KCNIP4: variants seen among roughly 807,000 people sequenced by gnomAD.
KCNIP4 encodes Kv channel-interacting protein 4.
A neutral mutation model predicts 34.0 loss-of-function variants in KCNIP4; 12 were observed. That is an observed-to-expected ratio of 0.35 (90% CI 0.23 to 0.57). The LOEUF is 0.57. KCNIP4 is among the 20% of genes least tolerant of loss of function. The pLI is 0.83. For missense variants in KCNIP4, 238 were observed against 311.7 expected, an observed-to-expected ratio of 0.76 and a Z score of 1.78; for synonymous variants, 124 against 102.2, an observed-to-expected ratio of 1.21 and a Z score of -1.29.
At chr4:21,823,148 CCTT>C (rs1278175008) in intron 1 of KCNIP4, among the ~76,000 whole-genome samples, 15 of 152,178 alleles carry the variant, frequency 9.9e-5, no homozygotes, top group African/African-American at 3.1e-4. Context: ...CTCTCTCTCA[CCTT>C]CTTTCTTTTC....
chr4:21,639,326 GA>G (rs1247024644), intron 1 of KCNIP4, among the ~76,000 whole-genome samples: 6 of 152,140 alleles, frequency 3.9e-5, no homozygotes, highest in South Asian at 4.2e-4. Context: ...TTACAGAACT[GA>G]AAAATGGCAA....
chr4:21,388,140 A>AAGAC (rs1553874280), intron 1 of KCNIP4, among the ~76,000 whole-genome samples: 41 of 152,330 alleles, frequency 2.7e-4, no homozygotes, highest in Non-Finnish European at 2.2e-4. Context: ...GAAAGAAAGA[A>AAGAC]TGAGGGAAGC....
intron 1 of KCNIP4, among the ~76,000 whole-genome samples, chr4:21,294,639 T>C (rs1207812164): frequency 6.6e-6 from 1 of 152,160 alleles, no homozygotes; most frequent in African/African-American, 2.4e-5. Context: ...TAGAATATAA[T>C]GATCACTCTA....
intron 1 of KCNIP4, among the ~76,000 whole-genome samples, chr4:21,354,788 C>A (rs567283327): frequency 2.0e-5 from 3 of 152,152 alleles, no homozygotes; most frequent in Non-Finnish European, 4.4e-5. Context: ...CAGCTCTGCA[C>A]CAAGTGGACC....
At chr4:20,733,557 C>A (rs1748868485) in intron 6 of KCNIP4, among the ~76,000 whole-genome samples, 1 of 152,036 alleles carries the variant, frequency 6.6e-6, no homozygotes, top group Middle Eastern at 3.4e-3. Context: ...ACAGGTGAAA[C>A]CTTTTAAGAT....
At chr4:21,117,023 C>T (rs1280816981) in intron 1 of KCNIP4, among the ~76,000 whole-genome samples, 2 of 152,094 alleles carry the variant, frequency 1.3e-5, no homozygotes, top group Non-Finnish European at 2.9e-5. Context: ...TGGAACACAA[C>T]TATTGTTTTC....
At chr4:21,897,524 A>C (rs555197636) in intron 1 of KCNIP4, among the ~76,000 whole-genome samples, 9 of 152,182 alleles carry the variant, frequency 5.9e-5, no homozygotes, top group African/African-American at 1.9e-4. Flanking sequence ...CTTTATACCT[A>C]AGTGCTAGGC....
chr4:20,759,050 T>C (rs1042707458), intron 3 of KCNIP4, among the ~76,000 whole-genome samples, 160 bp from the exon 4 acceptor site: 6 of 152,136 alleles, frequency 3.9e-5, no homozygotes, highest in African/African-American at 9.7e-5. Flanking sequence ...TATAAACTTA[T>C]GTTTGTTCCA....
chr4:21,581,310 A>G (rs1741180418), intron 1 of KCNIP4, among the ~76,000 whole-genome samples: 1 of 152,018 alleles, frequency 6.6e-6, no homozygotes, highest in Non-Finnish European at 1.5e-5. Context: ...TTTTTAGGAA[A>G]ATTCCATGGC....
At chr4:21,091,277 T>C (rs1264427194) in intron 1 of KCNIP4, among the ~76,000 whole-genome samples, 1 of 152,196 alleles carries the variant, frequency 6.6e-6, no homozygotes, top group Non-Finnish European at 1.5e-5. Context: ...GATTAAAATA[T>C]GGCAGGAAAA....
intron 1 of KCNIP4, among the ~76,000 whole-genome samples, chr4:21,501,651 G>A (rs1733349998): frequency 6.8e-6 from 1 of 147,554 alleles, no homozygotes; most frequent in Non-Finnish European, 1.5e-5. Flanking sequence ...ATTATGGGCT[G>A]TACTCCTCAA....
At position 21,676,845 on chromosome 4, in the gene KCNIP4, A is replaced by G. The variant is rs1009248208; in HGVS notation, c.61+271726T>C. 2.6e-5 allele frequency among the ~76,000 whole-genome samples: 4 copies of G among 152,168 alleles called. No individual in the cohort carries two copies. The East Asian group carries it at 7.7e-4, about 29-fold the overall frequency. The stretch of plus-strand genomic sequence containing the variant: ...AAATACTGAGTATGTCTTTAAATAT[A>G]TCAGATAAAATTACATAATTAATAC... On this transcript the variant is annotated intron_variant, in intron 1 of 8. Transcript: ENST00000382152.
intron 1 of KCNIP4, among the ~76,000 whole-genome samples, chr4:21,393,343 C>A (rs1403945046): frequency 6.6e-6 from 1 of 151,864 alleles, no homozygotes; most frequent in African/African-American, 2.4e-5. Context: ...ACTCTAAAGT[C>A]TTATTTTTAA....
At chr4:21,686,659 C>T (rs1750825295) in intron 1 of KCNIP4, among the ~76,000 whole-genome samples, 1 of 152,260 alleles carries the variant, frequency 6.6e-6, no homozygotes, top group Non-Finnish European at 1.5e-5. Context: ...AGAGAATTCA[C>T]ACTTCCAAAG....
At chr4:21,550,393 C>T (rs1390981478) in intron 1 of KCNIP4, among the ~76,000 whole-genome samples, 2 of 152,008 alleles carry the variant, frequency 1.3e-5, no homozygotes, top group Non-Finnish European at 2.9e-5. Context: ...TCTTTTTCAC[C>T]GAAGTCCCCA....
intron 1 of KCNIP4, among the ~76,000 whole-genome samples, chr4:21,664,980 T>C (rs1577792039): frequency 6.6e-6 from 1 of 152,300 alleles, no homozygotes; most frequent in East Asian, 1.9e-4. Context: ...TCTTGGAAAG[T>C]CCTGACTTAA....
chr4:21,289,147 G>A (rs554645759), intron 1 of KCNIP4, among the ~76,000 whole-genome samples: 10 of 152,030 alleles, frequency 6.6e-5, no homozygotes, highest in Admixed American at 2.0e-4. Flanking sequence ...ACCATAGCAT[G>A]TTTTTATTAA....
intron 1 of KCNIP4, among the ~76,000 whole-genome samples, chr4:20,900,600 C>G (rs1727060446): frequency 6.6e-6 from 1 of 152,098 alleles, no homozygotes; most frequent in African/African-American, 2.4e-5. Context: ...AGTGCCAGAT[C>G]CTGGCAAACC....
At chr4:21,025,703 A>G (rs112633526) in intron 1 of KCNIP4, among the ~76,000 whole-genome samples, 29,446 of 151,054 alleles carry the variant, frequency 0.19, 3,370 homozygotes, top group Non-Finnish European at 0.27. Flanking sequence ...ACAGGCACCC[A>G]CCACCACGCC....
Sources: gnomAD v4.1 joint callset for allele counts (sites outside exome capture counted in the v4.1 genomes callset) on GRCh38, gnomAD v4.1.1 for gene constraint, MANE v1.5 for transcripts, NCBI Gene and HGNC (gene_info 2026-07-23, HGNC 2026-07-21) for gene names.